Variants in CSMD2 observed in about 807,000 individuals in gnomAD.
The protein encoded by CSMD2 is CUB and sushi domain-containing protein 2.
In CSMD2, 130 loss-of-function variants were observed where a neutral mutation model predicts 398.5. The observed-to-expected ratio is 0.33, with a 90% CI of 0.28 to 0.38. The LOEUF (loss-of-function observed/expected upper bound fraction) is 0.38, where lower values mean the gene tolerates loss of function less well. CSMD2 is among the 10% of genes least tolerant of loss of function. The pLI is 1.00. For synonymous variants in CSMD2, 1,828 were observed against 1,908.5 expected (o/e 0.96, Z 1.10); for missense variants, 3,829 against 4,764.9 (o/e 0.80, Z 5.78).
intron 65 of CSMD2, 133 bp from the exon 66 acceptor site, chr1:33,525,176 G>A: frequency 2.1e-6 from 2 of 944,972 alleles, no homozygotes; most frequent in Admixed American, 2.0e-5. Context: ...GAGGAAGGTG[G>A]TAGAATGCTC....
intron 28 of CSMD2, among the ~76,000 whole-genome samples, chr1:33,649,162 G>A (rs896274095): frequency 6.6e-6 from 1 of 152,144 alleles, no homozygotes; most frequent in African/African-American, 2.4e-5. Context: ...TACCAATCAA[G>A]TGTGCAAAGA....
Position 34,005,856 on chromosome 1 carries a change from G to GT in CSMD2, c.517+26737dup, listed in dbSNP as rs1647038169. The stretch of plus-strand genomic sequence containing the variant: ...GGTATAAGCATCAATCATGCACACT[G>GT]TTATGATGCTATCCTCTCTGCCATC... On this transcript the variant is annotated intron_variant, in intron 3 of 70. Coordinates refer to ENST00000373381, the MANE Select transcript of CSMD2 (RefSeq NM_001281956.2). Among the ~76,000 whole-genome samples the GT allele has an allele frequency of 2.0e-5, 3 of 152,164 alleles. No individual in the cohort carries two copies. The South Asian group carries it at 6.2e-4, about 32-fold the overall frequency.
At position 33,571,611 on chromosome 1, in the gene CSMD2, G is replaced by A; in HGVS notation, c.7878C>T (p.Tyr2626=). The A allele has an allele frequency of 5.0e-6, 8 of 1,591,542 alleles. No homozygotes were observed. Among genetic ancestry groups the A allele is most frequent in the Non-Finnish European group, 6.0e-6 (7 of 1,165,774 alleles). Reference sequence around the variant, plus strand: ...GGATGACCCTTTGGCCAGTATAGTAGTAGCCAGGGTCACAGATGAGCATCA... The same window carrying A: ...GGATGACCCTTTGGCCAGTATAGTAATAGCCAGGGTCACAGATGAGCATCA... ...AQLMLICDPG[Y]YYTGQRVIRC... The change falls in exon 51 of 71, where the codon TAC becomes TAT. Residue 2626 remains tyrosine (Y), a synonymous_variant. Transcript: ENST00000373381.
At chr1:33,908,742 C>A (rs1372392360) in intron 5 of CSMD2, among the ~76,000 whole-genome samples, 1 of 152,216 alleles carries the variant, frequency 6.6e-6, no homozygotes, top group South Asian at 2.1e-4. Context: ...AGTGCTGGAG[C>A]CCTGGCCTTC....
chr1:33,851,424 A>G (rs1044161584), intron 5 of CSMD2, among the ~76,000 whole-genome samples: 1 of 152,028 alleles, frequency 6.6e-6, no homozygotes, highest in Non-Finnish European at 1.5e-5. Context: ...CTAAGTATAA[A>G]CCATCCCTCC....
At position 33,635,242 on chromosome 1, in the gene CSMD2, C is replaced by G; in HGVS notation, c.5058G>C (p.Leu1686Phe). The change falls in exon 31 of 71, where the codon TTG (leucine) becomes TTC (phenylalanine). Residue 1686 changes from leucine to phenylalanine, a missense_variant. By Grantham distance (22) the Leu-to-Phe change is conservative (BLOSUM62 0). Transcript: ENST00000373381. This position sits in a 1 kb window ranked among gnomAD's most constrained non-coding sequence, Gnocchi z 5.0. ...AGTCCTTGGGCACAGTAACAAAATA[C>G]AAGCAGATCTGTCCACTGGTGTAGT... is the stretch of plus-strand genomic sequence containing the variant. ...PQNYTSGQIC[L>F]YFVTVPKDYV... The G allele has an allele frequency of 6.2e-7, 1 of 1,613,212 alleles. No individual in the cohort carries two copies. The highest frequency in any genetic ancestry group is 8.5e-7 in the Non-Finnish European group (1 of 1,179,278).
intron 4 of CSMD2, among the ~76,000 whole-genome samples, chr1:33,918,826 T>G (rs1400351585): frequency 6.6e-6 from 1 of 152,168 alleles, no homozygotes; most frequent in African/African-American, 2.4e-5. Context: ...TGCATAACTT[T>G]GGGAAATTTA....
intron 6 of CSMD2, among the ~76,000 whole-genome samples, chr1:33,832,457 A>G (rs1659699727): frequency 6.9e-6 from 1 of 144,242 alleles, no homozygotes; most frequent in Non-Finnish European, 1.5e-5. Context: ...ACCAAGGAGA[A>G]CAAAGACACA....
intron 7 of CSMD2, among the ~76,000 whole-genome samples, chr1:33,820,948 C>T (rs1658073402): frequency 6.6e-6 from 1 of 152,068 alleles, no homozygotes; most frequent in African/African-American, 2.4e-5. Flanking sequence ...GAAATGAGCC[C>T]CCCACCTCAG....
At chr1:33,755,236 C>G (rs944402603) in intron 13 of CSMD2, among the ~76,000 whole-genome samples, 1 of 152,110 alleles carries the variant, frequency 6.6e-6, no homozygotes, top group Non-Finnish European at 1.5e-5. Context: ...TTCACAAACC[C>G]AACCTTAAAT....
intron 1 of CSMD2, among the ~76,000 whole-genome samples, chr1:34,090,651 T>A (rs902491355): frequency 8.5e-5 from 13 of 152,194 alleles, no homozygotes; most frequent in Admixed American, 2.6e-4. Flanking sequence ...TACCACTCTA[T>A]CTCTATCTCC....
chr1:33,695,419 G>A (rs759675432), intron 24 of CSMD2, among the ~76,000 whole-genome samples: 1 of 152,146 alleles, frequency 6.6e-6, no homozygotes, highest in Non-Finnish European at 1.5e-5. Flanking sequence ...TACAGCAGGG[G>A]TGAAACTGGA....
intron 1 of CSMD2, among the ~76,000 whole-genome samples, chr1:34,129,378 G>A (rs191331552): frequency 1.4e-4 from 22 of 152,332 alleles, no homozygotes; most frequent in East Asian, 1.2e-3. Context: ...TAGGCTGGGC[G>A]CAGTGGCTCA....
intron 12 of CSMD2, among the ~76,000 whole-genome samples, chr1:33,787,390 C>T (rs1653663765): frequency 6.6e-6 from 1 of 152,186 alleles, no homozygotes; most frequent in African/African-American, 2.4e-5. Context: ...CTGTGTGAGC[C>T]ACACTGAAGG....
intron 39 of CSMD2, among the ~76,000 whole-genome samples, chr1:33,616,332 GGT>G (rs772840723): frequency 6.6e-6 from 1 of 152,180 alleles, no homozygotes; most frequent in South Asian, 2.1e-4. Context: ...CCGCCTCCTG[GGT>G]TCAAGTGATT....
At position 33,743,332 on chromosome 1, in the gene CSMD2, C is replaced by T. The variant is rs769321561; in HGVS notation, c.2121G>A (p.Glu707=). 1 of 1,613,894 alleles carries T rather than the reference C, an allele frequency of 6.2e-7. No individual in the cohort carries two copies. Among genetic ancestry groups the T allele is most frequent in the Non-Finnish European group, 8.5e-7 (1 of 1,179,920 alleles). ...ITSSGHVARL[E]FQTDHSTGKR... Reference sequence around the variant, plus strand: ...TCCCTGTGGAGTGGTCAGTCTGGAACTCGAGACGGGCCACGTGGCCACTGC... The same window carrying T: ...TCCCTGTGGAGTGGTCAGTCTGGAATTCGAGACGGGCCACGTGGCCACTGC... The change falls in exon 14 of 71, where the codon GAG becomes GAA. Residue 707 remains glutamate (E), a synonymous_variant. Transcript: ENST00000373381.
At chr1:33,963,922 C>A (rs1483555027) in intron 3 of CSMD2, among the ~76,000 whole-genome samples, 3 of 152,170 alleles carry the variant, frequency 2.0e-5, no homozygotes, top group Non-Finnish European at 4.4e-5. Context: ...TGCAGTAAAG[C>A]CTGGAAGTAG....
chr1:34,074,186 A>G (rs1309285961), intron 2 of CSMD2, among the ~76,000 whole-genome samples: 1 of 152,238 alleles, frequency 6.6e-6, no homozygotes, highest in Non-Finnish European at 1.5e-5. Context: ...TACAGAGCCA[A>G]ACTATATCAG....
chr1:34,002,088 G>T (rs935457657), intron 3 of CSMD2, among the ~76,000 whole-genome samples: 3 of 152,032 alleles, frequency 2.0e-5, no homozygotes. Flanking sequence ...AAAATAAAAT[G>T]GTGGGTATGT....
Sources: allele counts gnomAD v4.1 joint callset (sites outside exome capture counted in the v4.1 genomes callset), GRCh38; gene constraint gnomAD v4.1.1; non-coding constraint Gnocchi (gnomAD v3.1); transcripts MANE v1.5; gene names NCBI Gene and HGNC (gene_info 2026-07-23, HGNC 2026-07-21).